The following SEMA3E variants were observed in gnomAD, a reference collection of about 807,000 sequenced individuals.
SEMA3E encodes semaphorin-3E.
In SEMA3E, 49 loss-of-function variants were observed where a neutral mutation model predicts 93.6. The ratio of observed to expected loss-of-function variants is 0.52; its 90% CI spans 0.42 to 0.66. The LOEUF is 0.66. Ranked by LOEUF, SEMA3E falls within the 30% of genes least tolerant of loss-of-function variation. The pLI, the probability that SEMA3E is intolerant of heterozygous loss-of-function variation, is 0.00. For missense variants in SEMA3E, 906 were observed against 964.8 expected (o/e 0.94, Z 0.81); for synonymous variants, 363 against 330.7 (o/e 1.10, Z -1.06).
intron 2 of SEMA3E, among the ~76,000 whole-genome samples, chr7:83,480,544 G>A (rs551203374): frequency 1.2e-3 from 181 of 152,156 alleles, no homozygotes; most frequent in African/African-American, 4.2e-3. Context: ...TAACAGAATA[G>A]TTGTGTAAAT....
chr7:83,382,278 T>A (rs990608304), intron 16 of SEMA3E, among the ~76,000 whole-genome samples: 4 of 152,014 alleles, frequency 2.6e-5, no homozygotes, highest in Non-Finnish European at 4.4e-5. Flanking sequence ...TATAAAACAA[T>A]TCTTTATAAT....
chr7:83,575,105 C>A (rs1004615992), intron 1 of SEMA3E, among the ~76,000 whole-genome samples: 2 of 152,010 alleles, frequency 1.3e-5, no homozygotes, highest in African/African-American at 2.4e-5. Context: ...TATTTCACTA[C>A]ACTTTGAAAT....
chr7:83,638,670 C>A (rs1013296968), intron 1 of SEMA3E, among the ~76,000 whole-genome samples: 2 of 152,044 alleles, frequency 1.3e-5, no homozygotes, highest in Admixed American at 1.3e-4. Context: ...TTCAACAACA[C>A]CCTTAACCTA....
chr7:83,631,352 C>T (rs215247), intron 1 of SEMA3E, among the ~76,000 whole-genome samples: 3,277 of 151,910 alleles, frequency 0.022, 112 homozygotes, highest in African/African-American at 0.075. Context: ...GAAAAGCATA[C>T]ATTTTATATA....
intron 10 of SEMA3E, among the ~76,000 whole-genome samples, 155 bp from the exon 11 acceptor site, chr7:83,400,405 A>T (rs143408249): frequency 8.7e-4 from 132 of 151,720 alleles, no homozygotes; most frequent in African/African-American, 3.1e-3. Context: ...CTTTTTTTTT[A>T]ACTTTTATTT....
intron 1 of SEMA3E, among the ~76,000 whole-genome samples, chr7:83,558,162 T>G (rs1791958860): frequency 6.6e-6 from 1 of 152,140 alleles, no homozygotes; most frequent in South Asian, 2.1e-4. Flanking sequence ...GTAAACAATT[T>G]CAGTAAATGG....
intron 1 of SEMA3E, among the ~76,000 whole-genome samples, chr7:83,574,290 A>G (rs1037713073): frequency 6.6e-6 from 1 of 152,154 alleles, no homozygotes; most frequent in Non-Finnish European, 1.5e-5. Context: ...GAAAATATTG[A>G]ATTTGAATTT....
chr7:83,436,125 C>T (rs1788999308), intron 4 of SEMA3E, among the ~76,000 whole-genome samples: 1 of 151,748 alleles, frequency 6.6e-6, no homozygotes, highest in African/African-American at 2.4e-5. Context: ...CTCATGATAC[C>T]TGTTACTATT....
intron 1 of SEMA3E, among the ~76,000 whole-genome samples, chr7:83,552,515 G>C (rs377649210): frequency 6.6e-6 from 1 of 152,120 alleles, no homozygotes; most frequent in Admixed American, 6.6e-5. Context: ...CGCGGGGTTG[G>C]GCAAAAAGAG....
At chr7:83,585,015 A>G (rs1408294869) in intron 1 of SEMA3E, among the ~76,000 whole-genome samples, 1 of 152,174 alleles carries the variant, frequency 6.6e-6, no homozygotes, top group Admixed American at 6.5e-5. Flanking sequence ...CCTAGGTCAT[A>G]GTAGGTGACA....
At chr7:83,408,615 C>A in intron 5 of SEMA3E, 128 bp from the exon 6 acceptor site, 1 of 1,075,696 alleles carries the variant, frequency 9.3e-7, no homozygotes, top group Non-Finnish European at 1.4e-6. Flanking sequence ...CTGTTAGGAG[C>A]ATGGATGGTA....
At chr7:83,381,034 G>A (rs978072986) in intron 16 of SEMA3E, among the ~76,000 whole-genome samples, 1 of 151,910 alleles carries the variant, frequency 6.6e-6, no homozygotes, top group Non-Finnish European at 1.5e-5. Flanking sequence ...ACTTAATACT[G>A]TGTGTTCCTA....
chr7:83,441,355 T>C (rs1789111601), intron 4 of SEMA3E, among the ~76,000 whole-genome samples: 1 of 152,208 alleles, frequency 6.6e-6, no homozygotes, highest in Non-Finnish European at 1.5e-5. Context: ...TGCCAATTTG[T>C]ATGTTTTTTT....
At chr7:83,577,501 A>G (rs1211275037) in intron 1 of SEMA3E, among the ~76,000 whole-genome samples, 1 of 152,208 alleles carries the variant, frequency 6.6e-6, no homozygotes, top group Non-Finnish European at 1.5e-5. Context: ...TAGCCATTTC[A>G]TCAATAGTGC....
In SEMA3E at chr7:83,503,985, G is replaced by T. The variant is rs556499343; in HGVS notation, c.116-13711C>A. Among the ~76,000 whole-genome samples, 23 of 152,090 alleles carry T rather than the reference G, an allele frequency of 1.5e-4. No homozygotes were observed. The South Asian group carries it at 4.4e-3, about 29-fold the overall frequency. On this transcript the variant is annotated intron_variant, in intron 1 of 16. Transcript: ENST00000643230. ...CCCCACTTGACCTCTAATAAAGACC[G>T]TCAGTCTTATCTTTATAAAAATAAG...
intron 1 of SEMA3E, among the ~76,000 whole-genome samples, chr7:83,505,372 A>C (rs1790679578): frequency 6.6e-6 from 1 of 152,182 alleles, no homozygotes; most frequent in African/African-American, 2.4e-5. Context: ...AAGTCTATTA[A>C]CCTCAAACAA....
chr7:83,539,307 T>A (rs916471021), intron 1 of SEMA3E, among the ~76,000 whole-genome samples: 3 of 152,164 alleles, frequency 2.0e-5, no homozygotes, highest in African/African-American at 7.2e-5. Context: ...TATCCCCGAG[T>A]CAGTCAGCTT....
intron 1 of SEMA3E, among the ~76,000 whole-genome samples, chr7:83,565,995 C>CTTTTTTTTTTTT (rs750248438): frequency 1.8e-5 from 2 of 112,740 alleles, no homozygotes; most frequent in Non-Finnish European, 3.4e-5. Flanking sequence ...TGTTTCCACT[C>CTTTTTTTTTTTT]TTTTTTTTTT....
Position 83,365,762 on chromosome 7 carries a change from A to G in SEMA3E, c.*1824T>C, listed in dbSNP as rs1794657369. The G allele has an allele frequency of 6.6e-6, 1 of 152,176 alleles. No individual in the cohort carries two copies. The highest frequency in any genetic ancestry group is 2.1e-4 in the South Asian group (1 of 4,828). The allele number at this position is 152,176 out of a possible 1,614,324, so 9.4% of individuals were successfully genotyped here. ...TGCTTTCTTTCTTGTGTGTTAATGG[A>G]AGGCAATTTTCAATAAAGTGTACTT... On this transcript the variant is annotated 3_prime_UTR_variant, in exon 17 of 17. Transcript: ENST00000643230.
Sources: gnomAD v4.1 joint callset for allele counts (sites outside exome capture counted in the v4.1 genomes callset) on GRCh38, gnomAD v4.1.1 for gene constraint, MANE v1.5 for transcripts, NCBI Gene and HGNC (gene_info 2026-07-23, HGNC 2026-07-21) for gene names.